SREK1IP1: variants seen among roughly 807,000 people sequenced by gnomAD.
SREK1IP1 encodes SREK1 interacting protein 1.
In SREK1IP1, 12 loss-of-function variants were observed where a neutral mutation model predicts 22.8. That is an observed-to-expected ratio of 0.53 (90% CI 0.34 to 0.85). The LOEUF (loss-of-function observed/expected upper bound fraction) is 0.85. Ranked by LOEUF, SREK1IP1 falls within the 40% of genes least tolerant of loss-of-function variation. SREK1IP1 has a pLI of 0.02. For missense variants in SREK1IP1, 147 were observed against 171.8 expected, an observed-to-expected ratio of 0.86 and a Z score of 0.81; for synonymous variants, 53 against 52.7, an observed-to-expected ratio of 1.01 and a Z score of -0.02.
chr5:64,729,742 G>T (rs958093499), intron 3 of SREK1IP1, among the ~76,000 whole-genome samples: 9 of 152,124 alleles, frequency 5.9e-5, no homozygotes, highest in African/African-American at 1.9e-4. Context: ...GGAACGAAAG[G>T]AATCAAGGAT....
At position 64,720,698 on chromosome 5, in the gene SREK1IP1, G is replaced by C. The variant is rs1417952932; in HGVS notation, c.*3686C>G. On this transcript the variant is annotated 3_prime_UTR_variant, in exon 5 of 5. Coordinates refer to ENST00000513458, the MANE Select transcript of SREK1IP1 (RefSeq NM_173829.4). ...AATTTTTCTATTTTTAGTAGAGACA[G>C]GGTTTCGCCAAGTTGGCCAGGCTGG... 2 of 151,636 alleles carry C rather than the reference G, an allele frequency of 1.3e-5. No individual in the cohort carries two copies. Among genetic ancestry groups the C allele is most frequent in the African/African-American group, 4.8e-5 (2 of 41,378 alleles). 9.4% of individuals were successfully genotyped at this position (151,636 alleles called of 1,614,324 possible).
Position 64,725,540 on chromosome 5 carries a change from T to C in SREK1IP1, c.279-967A>G, listed in dbSNP as rs187725926. Among the ~76,000 whole-genome samples the C allele has an allele frequency of 1.7e-3, 260 of 152,264 alleles. 10 individuals carry two copies. In the East Asian group the frequency reaches 0.042, roughly 24 times the overall value. On this transcript the variant is annotated intron_variant, in intron 4 of 4. Coordinates refer to ENST00000513458, the MANE Select transcript of SREK1IP1 (RefSeq NM_173829.4). ...AGGAGACTACAGGGCTCCAAGGCTATTTTGTGTCTGTATAGTGTGTGAATT... is the reference window on the plus strand; with the variant it reads ...AGGAGACTACAGGGCTCCAAGGCTACTTTGTGTCTGTATAGTGTGTGAATT...
chr5:64,741,095 T>C lies in SREK1IP1; in HGVS notation c.167A>G (p.Asn56Ser), dbSNP rs1439955631. ...TGCCTGCAATTTATTCAGTTCTTCA[T>C]TCTCTTCATCGCTATCTTCACTACT... The part of the protein sequence containing the change: ...STSSEDSDEE[N>S]EELNKLQALQ... Residue 56 changes from asparagine (N) to serine (S), a missense_variant, in exon 3 of 5, where the codon AAT (asparagine) becomes AGT (serine). By Grantham distance (46) the Asn-to-Ser change is conservative. Around this residue, in one of 3 missense-constraint regions of SREK1IP1, gnomAD observed 62 missense variants for 73.3 expected, o/e 0.85. Transcript: ENST00000513458. The C allele has an allele frequency of 1.2e-6, 2 of 1,612,858 alleles. No homozygotes were observed. The highest frequency in any genetic ancestry group is 1.7e-6 in the Non-Finnish European group (2 of 1,179,398).
intron 4 of SREK1IP1, among the ~76,000 whole-genome samples, chr5:64,725,196 TATC>T (rs1742242444): frequency 6.6e-6 from 1 of 152,114 alleles, no homozygotes; most frequent in African/African-American, 2.4e-5. Context: ...AAGGATGGGT[TATC>T]ATTGTGCTTT....
intron 3 of SREK1IP1, among the ~76,000 whole-genome samples, chr5:64,736,925 T>C (rs1034835263): frequency 2.0e-5 from 3 of 151,670 alleles, no homozygotes; most frequent in Non-Finnish European, 4.4e-5. Context: ...CTTTTTTTTT[T>C]TTTTTTGGAG....
intron 2 of SREK1IP1, among the ~76,000 whole-genome samples, chr5:64,752,118 ACT>A (rs1213047712): frequency 2.8e-5 from 4 of 143,940 alleles, no homozygotes; most frequent in East Asian, 4.1e-4. Context: ...TATCAAAATA[ACT>A]CTTTTTCTGT....
chr5:64,719,186 T>C lies in SREK1IP1; in HGVS notation c.*5198A>G, dbSNP rs1455688538. The C allele has an allele frequency of 1.3e-5, 2 of 152,198 alleles. No homozygotes were observed. Among genetic ancestry groups the C allele is most frequent in the East Asian group, 3.8e-4 (2 of 5,202 alleles). The allele number at this position is 152,198 out of a possible 1,614,324, so 9.4% of individuals were successfully genotyped here. ...TACTGAACACTTAAGATGTGGCTAA[T>C]GCAACTGAAAAAATAAAATTTTTCA... On this transcript the variant is annotated 3_prime_UTR_variant, in exon 5 of 5. Transcript: ENST00000513458.
intron 1 of SREK1IP1, among the ~76,000 whole-genome samples, chr5:64,765,773 T>TA (rs958323268): frequency 2.0e-5 from 3 of 152,210 alleles, no homozygotes; most frequent in African/African-American, 4.8e-5. Context: ...AATGAGGCCT[T>TA]AAAAAATCAC....
At chr5:64,725,461 A>AAGG (rs1742246390) in intron 4 of SREK1IP1, among the ~76,000 whole-genome samples, 1 of 152,198 alleles carries the variant, frequency 6.6e-6, no homozygotes, top group African/African-American at 2.4e-5. Flanking sequence ...TAGGAGTTAA[A>AAGG]ACTCAAACTA....
chr5:64,740,021 G>C (rs1742527422), intron 3 of SREK1IP1, among the ~76,000 whole-genome samples: 2 of 152,006 alleles, frequency 1.3e-5, no homozygotes, highest in Admixed American at 6.6e-5. Context: ...TTTTATTTCA[G>C]AGTGATATTT....
chr5:64,752,707 G>T (rs1742771432), intron 2 of SREK1IP1, among the ~76,000 whole-genome samples: 1 of 152,034 alleles, frequency 6.6e-6, no homozygotes, highest in Admixed American at 6.6e-5. Context: ...ATATTTTTGG[G>T]AATTAAAAGT....
chr5:64,758,951 G>A lies in SREK1IP1; in HGVS notation c.14-4589C>T, dbSNP rs116157952. On this transcript the variant is annotated intron_variant, in intron 1 of 4. Transcript: ENST00000513458. ...TCAGCTTCATTAGTCTTTAATTTTC[G>A]TGATTGTCTGGGCAACTGAATGCTT... is the stretch of plus-strand genomic sequence containing the variant. Among the ~76,000 whole-genome samples the A allele has an allele frequency of 3.2e-3, 484 of 152,222 alleles. 2 individuals carry two copies. The highest frequency in any genetic ancestry group is 0.01 in the African/African-American group (427 of 41,524).
At chr5:64,732,464 A>G (rs6867616) in intron 3 of SREK1IP1, among the ~76,000 whole-genome samples, 10,154 of 152,230 alleles carry the variant, frequency 0.067, 1,105 homozygotes, top group African/African-American at 0.23. Flanking sequence ...TTAAAGATAC[A>G]GTATCATTTA....
chr5:64,741,650 A>G (rs1742552764), intron 2 of SREK1IP1, among the ~76,000 whole-genome samples: 1 of 149,014 alleles, frequency 6.7e-6, no homozygotes, highest in Admixed American at 6.7e-5. Context: ...AAGTTGGCAT[A>G]ATAATATACA....
chr5:64,748,301 A>G (rs1580550176), intron 2 of SREK1IP1, among the ~76,000 whole-genome samples: 1 of 152,224 alleles, frequency 6.6e-6, no homozygotes, highest in East Asian at 1.9e-4. Flanking sequence ...AGGCAAATTC[A>G]CAGGGATAGG....
chr5:64,724,676 G>A (rs1012609319), intron 4 of SREK1IP1, 103 bp from the exon 5 acceptor site: 2 of 892,538 alleles, frequency 2.2e-6, no homozygotes, highest in African/African-American at 1.8e-5. Flanking sequence ...GTAAGGTAGG[G>A]AGTATAAACA....
chr5:64,752,399 C>T (rs1018089149), intron 2 of SREK1IP1, among the ~76,000 whole-genome samples: 7 of 152,006 alleles, frequency 4.6e-5, no homozygotes, highest in African/African-American at 1.7e-4. Flanking sequence ...GATCCACCCA[C>T]CTTGGCCTCC....
intron 3 of SREK1IP1, among the ~76,000 whole-genome samples, chr5:64,731,475 T>C (rs115502184): frequency 2.5e-4 from 38 of 149,512 alleles, no homozygotes; most frequent in African/African-American, 9.3e-4. Context: ...GAAGCCATGA[T>C]TGCATTACTG....
At chr5:64,761,213 A>G (rs905547164) in intron 1 of SREK1IP1, among the ~76,000 whole-genome samples, 6 of 152,158 alleles carry the variant, frequency 3.9e-5, no homozygotes, top group Non-Finnish European at 8.8e-5. Context: ...GAATCAGGTA[A>G]TTGGGCTGGT....
Sources: gnomAD v4.1 joint callset for allele counts (sites outside exome capture counted in the v4.1 genomes callset) on GRCh38, gnomAD v4.1.1 for gene constraint, gnomAD v4.1.1 regional missense constraint, MANE v1.5 for transcripts, NCBI Gene and HGNC (gene_info 2026-07-23, HGNC 2026-07-21) for gene names.